TRPC4: variants seen among roughly 807,000 people sequenced by gnomAD.
TRPC4 encodes transient receptor potential cation channel subfamily C member 4.
In TRPC4, 49 loss-of-function variants were observed where a neutral mutation model predicts 99.4. The ratio of observed to expected loss-of-function variants is 0.49; its 90% CI spans 0.39 to 0.63. TRPC4 has a LOEUF of 0.63. Ranked by LOEUF, TRPC4 falls within the 20% of genes least tolerant of loss-of-function variation. The pLI, the probability that TRPC4 is intolerant of heterozygous loss-of-function variation, is 0.00. For synonymous variants in TRPC4, 454 were observed against 425.9 expected, an observed-to-expected ratio of 1.07 and a Z score of -0.81; for missense variants, 898 against 1,152.9, an observed-to-expected ratio of 0.78 and a Z score of 3.20.
At chr13:37,858,409 C>T (rs547820027) in intron 1 of TRPC4, among the ~76,000 whole-genome samples, 2 of 151,468 alleles carry the variant, frequency 1.3e-5, no homozygotes, top group African/African-American at 4.8e-5. Context: ...GCAATTCCAG[C>T]AATCCCACTG....
chr13:37,786,916 TA>T (rs747887946), intron 1 of TRPC4, among the ~76,000 whole-genome samples: 1 of 151,966 alleles, frequency 6.6e-6, no homozygotes. Flanking sequence ...TGTTGAGGAT[TA>T]AAAAGAAACA....
rs1414675457 is a variant in TRPC4, at chr13:37,782,978, T to G, written c.356A>C (p.Lys119Thr). The G allele has an allele frequency of 6.7e-7, 1 of 1,498,166 alleles. No homozygotes were observed. The highest frequency in any genetic ancestry group is 1.4e-5 in the South Asian group (1 of 70,158). The allele number at this position is 1,498,166 out of a possible 1,614,324, so 92.8% of individuals were successfully genotyped here. ...VGAVELLLNH[K>T]KPSGEKQVPP... ...TACCTGTTTTTCTCCACTAGGTTTT[T>G]TGTGGTTCAATAACAGCTCAACAGC... Residue 119 changes from lysine (K) to threonine (T), a missense_variant, in exon 2 of 11, where the codon AAA becomes ACA. Physicochemically the swap from Lys to Thr is moderately conservative, Grantham distance 78. Transcript: ENST00000379705.
intron 2 of TRPC4, among the ~76,000 whole-genome samples, chr13:37,759,388 A>G (rs1223276624): frequency 1.3e-5 from 2 of 151,846 alleles, no homozygotes; most frequent in Admixed American, 6.6e-5. Context: ...CAGAATGAAA[A>G]ACCACATATT....
rs978874974 is a variant in TRPC4, at chr13:37,726,197, C to G, written c.897+19740G>C. 1.4e-4 allele frequency among the ~76,000 whole-genome samples: 20 copies of G among 148,008 alleles called. 1 individual carries two copies. The highest frequency in any genetic ancestry group is 4.7e-4 in the African/African-American group (19 of 40,524). ...GGCGACAGAGTGAGACACCGTCCCC[C>G]CCCAAAAAAAAAAGTTAGTATTATT... On this transcript the variant is annotated intron_variant, in intron 3 of 10. Coordinates refer to ENST00000379705, the MANE Select transcript of TRPC4 (RefSeq NM_016179.4).
chr13:37,649,731 CAAAAAAAAAAAAAAAA>C (rs775364702), intron 8 of TRPC4, among the ~76,000 whole-genome samples: 14 of 62,698 alleles, frequency 2.2e-4, no homozygotes, highest in Non-Finnish European at 3.7e-4. Flanking sequence ...GACTCCGTCT[CAAAAAAAAAAAAAAAA>C]AAAAAAAAAA....
chr13:37,694,746 T>C (rs751839515), intron 3 of TRPC4, among the ~76,000 whole-genome samples: 25 of 152,214 alleles, frequency 1.6e-4, no homozygotes, highest in Admixed American at 4.6e-4. Flanking sequence ...GGGAGGTTTT[T>C]GCAGAAGTAA....
At chr13:37,755,277 A>G (rs375483112) in intron 2 of TRPC4, among the ~76,000 whole-genome samples, 39 of 151,764 alleles carry the variant, frequency 2.6e-4, no homozygotes, top group South Asian at 2.1e-3. Flanking sequence ...AAAAAAAAAA[A>G]AAGAAGAAAT....
intron 8 of TRPC4, among the ~76,000 whole-genome samples, chr13:37,645,532 T>G (rs1236254533): frequency 6.6e-6 from 1 of 152,208 alleles, no homozygotes; most frequent in African/African-American, 2.4e-5. Context: ...TTTAAGCCCA[T>G]GAATTATGCC....
intron 3 of TRPC4, among the ~76,000 whole-genome samples, chr13:37,738,166 G>A (rs1448902559): frequency 1.3e-5 from 2 of 152,178 alleles, no homozygotes; most frequent in Non-Finnish European, 2.9e-5. Context: ...CCTGAGAAAT[G>A]AGCAGGATGT....
chr13:37,632,101 AC>A lies in TRPC4; in HGVS notation c.*4801del, dbSNP rs1402570392. On this transcript the variant is annotated 3_prime_UTR_variant, in exon 11 of 11. Coordinates refer to ENST00000379705, the MANE Select transcript of TRPC4 (RefSeq NM_016179.4). ...GCAAACTTTAATAGAGCTACACAAAACTTTTTTGAGTAATTAAAGATAGAAT... is the reference window on the plus strand; with the variant it reads ...GCAAACTTTAATAGAGCTACACAAAATTTTTTGAGTAATTAAAGATAGAAT... Among the ~76,000 whole-genome samples, 2 of 152,144 alleles carry A rather than the reference AC, an allele frequency of 1.3e-5. No individual in the cohort carries two copies. The highest frequency in any genetic ancestry group is 2.9e-5 in the Non-Finnish European group (2 of 68,026).
chr13:37,685,778 A>G lies in TRPC4; in HGVS notation c.1234+6221T>C, dbSNP rs562737307. Among the ~76,000 whole-genome samples the G allele has an allele frequency of 6.6e-5, 10 of 152,268 alleles. No homozygotes were observed. The South Asian group carries it at 2.1e-3, about 32-fold the overall frequency. ...TATTGCACTGTCATGGCCTAAAAAGAGTTCATTTCCCTCCAATAAAGAAAT... is the reference window on the plus strand; with the variant it reads ...TATTGCACTGTCATGGCCTAAAAAGGGTTCATTTCCCTCCAATAAAGAAAT... On this transcript the variant is annotated intron_variant, in intron 4 of 10. Transcript: ENST00000379705.
At chr13:37,648,741 C>A (rs1472173811) in intron 8 of TRPC4, among the ~76,000 whole-genome samples, 2 of 152,150 alleles carry the variant, frequency 1.3e-5, no homozygotes, top group African/African-American at 2.4e-5. Context: ...AGCCAATTGA[C>A]TGAGAGCTCC....
intron 1 of TRPC4, among the ~76,000 whole-genome samples, chr13:37,815,125 T>C (rs545518729): frequency 8.6e-5 from 13 of 151,592 alleles, no homozygotes; most frequent in Non-Finnish European, 1.8e-4. Context: ...TATATCAACA[T>C]GAAAAAGAAT....
At chr13:37,771,653 A>G (rs1212859898) in intron 2 of TRPC4, among the ~76,000 whole-genome samples, 2 of 151,566 alleles carry the variant, frequency 1.3e-5, no homozygotes, top group Non-Finnish European at 3.0e-5. Context: ...TTTATAACCT[A>G]AGAAATAGAA....
intron 3 of TRPC4, among the ~76,000 whole-genome samples, chr13:37,736,639 G>C (rs1405743161): frequency 7.2e-5 from 11 of 152,084 alleles, no homozygotes; most frequent in Non-Finnish European, 1.6e-4. Context: ...TGGGATGAAT[G>C]TATATATTAT....
chr13:37,688,652 A>G (rs1184119532), intron 4 of TRPC4, among the ~76,000 whole-genome samples: 1 of 152,222 alleles, frequency 6.6e-6, no homozygotes, highest in Non-Finnish European at 1.5e-5. Context: ...GAATGCGAGG[A>G]AGATCTTTTG....
chr13:37,686,632 G>A (rs1229483550), intron 4 of TRPC4, among the ~76,000 whole-genome samples: 2 of 152,136 alleles, frequency 1.3e-5, no homozygotes, highest in Non-Finnish European at 2.9e-5. Flanking sequence ...TTATGGAAAT[G>A]AGAAACCAAT....
intron 4 of TRPC4, among the ~76,000 whole-genome samples, chr13:37,684,927 C>G (rs1953411771): frequency 6.6e-6 from 1 of 151,728 alleles, no homozygotes; most frequent in South Asian, 2.1e-4. Flanking sequence ...AAGGAAACAT[C>G]TCTAGGTCAT....
chr13:37,848,888 C>A (rs572654657), intron 1 of TRPC4, among the ~76,000 whole-genome samples: 10 of 152,304 alleles, frequency 6.6e-5, no homozygotes, highest in East Asian at 1.9e-4. Context: ...ATGAGGTGAT[C>A]TTTTGGGGCT....
Sources: gnomAD v4.1 joint callset for allele counts (sites outside exome capture counted in the v4.1 genomes callset) on GRCh38, gnomAD v4.1.1 for gene constraint, MANE v1.5 for transcripts, NCBI Gene and HGNC (gene_info 2026-07-23, HGNC 2026-07-21) for gene names.